Variants in KCNH7 observed in about 807,000 individuals in gnomAD.
The protein encoded by KCNH7 is voltage-gated inwardly rectifying potassium channel KCNH7.
A neutral mutation model predicts 120.8 loss-of-function variants in KCNH7; 49 were observed. The observed-to-expected ratio is 0.41, with a 90% CI of 0.32 to 0.51. KCNH7 has a LOEUF of 0.51. Ranked by LOEUF, KCNH7 falls within the 20% of genes least tolerant of loss-of-function variation. KCNH7 has a pLI of 0.38. For missense variants in KCNH7, 1,097 were observed against 1,446.6 expected, an observed-to-expected ratio of 0.76 and a Z score of 3.92; for synonymous variants, 547 against 516.1, an observed-to-expected ratio of 1.06 and a Z score of -0.81.
chr2:162,733,430 C>T (rs1687797257), intron 2 of KCNH7, among the ~76,000 whole-genome samples: 1 of 152,206 alleles, frequency 6.6e-6, no homozygotes, highest in Admixed American at 6.5e-5. Context: ...TATACCACAT[C>T]TAAGCAGAAG....
intron 2 of KCNH7, among the ~76,000 whole-genome samples, chr2:162,623,499 T>C (rs1683434810): frequency 6.6e-6 from 1 of 152,192 alleles, no homozygotes; most frequent in Admixed American, 6.5e-5. Context: ...CTGCTTTTTA[T>C]ATGGGGTCTA....
chr2:162,376,531 A>G (rs1686195027), intron 14 of KCNH7, among the ~76,000 whole-genome samples: 1 of 151,844 alleles, frequency 6.6e-6, no homozygotes, highest in Non-Finnish European at 1.5e-5. Context: ...CTCCCAGCTA[A>G]TTTTTGTATT....
chr2:162,610,156 A>C (rs1297504417), intron 2 of KCNH7, among the ~76,000 whole-genome samples: 1 of 152,244 alleles, frequency 6.6e-6, no homozygotes, highest in African/African-American at 2.4e-5. Context: ...TGGTATATTC[A>C]TTCAACATCA....
intron 2 of KCNH7, among the ~76,000 whole-genome samples, chr2:162,565,223 T>C (rs556557163): frequency 1.3e-5 from 2 of 152,166 alleles, no homozygotes; most frequent in South Asian, 4.1e-4. Flanking sequence ...ATATAGGTAT[T>C]TTTTACACAA....
At chr2:162,699,472 G>C (rs73014108) in intron 2 of KCNH7, among the ~76,000 whole-genome samples, 5,466 of 152,106 alleles carry the variant, frequency 0.036, 318 homozygotes, top group African/African-American at 0.12. Flanking sequence ...AAATGTACTG[G>C]ATAAGTGTAC....
chr2:162,584,816 T>C (rs1693975228), intron 2 of KCNH7, among the ~76,000 whole-genome samples: 1 of 150,202 alleles, frequency 6.7e-6, no homozygotes, highest in African/African-American at 2.5e-5. Context: ...GCATGAGGCC[T>C]AAGTTTTGTC....
intron 2 of KCNH7, among the ~76,000 whole-genome samples, chr2:162,721,908 A>C (rs1687335154): frequency 6.6e-6 from 1 of 152,146 alleles, no homozygotes; most frequent in Admixed American, 6.5e-5. Context: ...AAGTAATTAT[A>C]CATAATTAAA....
chr2:162,804,329 C>T (rs1684456485), intron 2 of KCNH7, among the ~76,000 whole-genome samples: 2 of 151,744 alleles, frequency 1.3e-5, no homozygotes, highest in Admixed American at 6.6e-5. Flanking sequence ...GAAAACCCTA[C>T]AAACGCCTCC....
intron 2 of KCNH7, among the ~76,000 whole-genome samples, chr2:162,823,526 T>A (rs901060081): frequency 6.6e-6 from 1 of 152,032 alleles, no homozygotes; most frequent in African/African-American, 2.4e-5. Flanking sequence ...TGAGGAGGGG[T>A]TGATTATTCC....
At chr2:162,720,401 G>T (rs1687287552) in intron 2 of KCNH7, among the ~76,000 whole-genome samples, 1 of 151,382 alleles carries the variant, frequency 6.6e-6, no homozygotes, top group African/African-American at 2.4e-5. Flanking sequence ...AAGTTAAATG[G>T]ATATTTGGAG....
chr2:162,698,356 C>T (rs1188383706), intron 2 of KCNH7, among the ~76,000 whole-genome samples: 4 of 151,784 alleles, frequency 2.6e-5, no homozygotes, highest in Non-Finnish European at 5.9e-5. Context: ...AATCATTCCT[C>T]TGCCTGTGAC....
At chr2:162,646,948 A>G (rs1574216179) in intron 2 of KCNH7, among the ~76,000 whole-genome samples, 2 of 152,308 alleles carry the variant, frequency 1.3e-5, no homozygotes, top group Middle Eastern at 6.8e-3. Flanking sequence ...ATGAGATAAT[A>G]TATGTGTATT....
At position 162,836,637 on chromosome 2, in the gene KCNH7, G is replaced by A. The variant is rs1685672561; in HGVS notation, c.207C>T (p.Leu69=). 1.2e-6 allele frequency: 2 copies of A among 1,614,146 alleles called. No homozygotes were observed. The highest frequency in any genetic ancestry group is 1.7e-5 in the Admixed American group (1 of 60,010). The change falls in exon 2 of 16, where the codon CTC becomes CTT. Residue 69 remains leucine, a synonymous_variant. Coordinates refer to ENST00000332142, the MANE Select transcript of KCNH7 (RefSeq NM_033272.4). ...CATGCCTCTTGGTCTCGGGTCCATG[G>A]AGAAAGTCGCAGGTGCATGGCTTTT... ...VMQKPCTCDF[L]HGPETKRHDI...
In KCNH7 at chr2:162,481,640, A is replaced by C. The variant is rs927906429; in HGVS notation, c.1128+22803T>G. The stretch of plus-strand genomic sequence containing the variant: ...AAAAGGAGGAGAAGAATTAACTTTT[A>C]TGTATCTTATTTGGCTTGCCTGGAA... On this transcript the variant is annotated intron_variant, in intron 6 of 15. Transcript: ENST00000332142. Among the ~76,000 whole-genome samples, 3 of 152,180 alleles carry C rather than the reference A, an allele frequency of 2.0e-5. No individual in the cohort carries two copies. In the East Asian group the frequency reaches 5.8e-4, roughly 29 times the overall value.
chr2:162,795,157 C>T (rs1684094936), intron 2 of KCNH7, among the ~76,000 whole-genome samples: 2 of 151,878 alleles, frequency 1.3e-5, no homozygotes, highest in East Asian at 1.9e-4. Context: ...TGAGGTTTGC[C>T]TTGTGTATTG....
chr2:162,461,474 AG>A (rs1039155244), intron 6 of KCNH7, among the ~76,000 whole-genome samples: 1 of 152,214 alleles, frequency 6.6e-6, no homozygotes, highest in African/African-American at 2.4e-5. Flanking sequence ...ATACATTTTT[AG>A]GGATATTTAA....
At chr2:162,667,728 T>C (rs1309353269) in intron 2 of KCNH7, among the ~76,000 whole-genome samples, 2 of 152,204 alleles carry the variant, frequency 1.3e-5, no homozygotes, top group African/African-American at 2.4e-5. Flanking sequence ...TTGTCTCAGA[T>C]AACTCCACTA....
intron 2 of KCNH7, among the ~76,000 whole-genome samples, chr2:162,620,676 G>T (rs72873559): frequency 0.047 from 7,145 of 151,998 alleles, 222 homozygotes; most frequent in Non-Finnish European, 0.072. Context: ...TTTTTATGGG[G>T]TCTCACAGAT....
intron 2 of KCNH7, among the ~76,000 whole-genome samples, chr2:162,762,518 C>A (rs986942120): frequency 1.3e-5 from 2 of 151,900 alleles, no homozygotes; most frequent in African/African-American, 4.8e-5. Flanking sequence ...TGATAAAGAC[C>A]ACCCTATGGC....
Sources: allele counts gnomAD v4.1 joint callset (sites outside exome capture counted in the v4.1 genomes callset), GRCh38; gene constraint gnomAD v4.1.1; transcripts MANE v1.5; gene names NCBI Gene and HGNC (gene_info 2026-07-23, HGNC 2026-07-21).